The following KCNQ5 variants were observed in gnomAD, a reference collection of about 807,000 sequenced individuals.
KCNQ5 encodes potassium voltage-gated channel subfamily Q member 5.
In KCNQ5, 30 loss-of-function variants were observed where a neutral mutation model predicts 98.2. The ratio of observed to expected loss-of-function variants is 0.31; its 90% CI spans 0.23 to 0.41. The LOEUF is 0.41. Among genes scored for constraint, KCNQ5 ranks in the 10% least tolerant of loss-of-function variants. The pLI is 1.00. For synonymous variants in KCNQ5, 458 were observed against 449.4 expected (o/e 1.02, Z -0.24); for missense variants, 835 against 1,182.5 (o/e 0.71, Z 4.31).
At chr6:72,825,213 A>T (rs549582568) in intron 1 of KCNQ5, among the ~76,000 whole-genome samples, 16 of 152,058 alleles carry the variant, frequency 1.1e-4, no homozygotes, top group Non-Finnish European at 2.2e-4. Context: ...ACCCCTAAAA[A>T]TCTACTTTGC....
intron 1 of KCNQ5, among the ~76,000 whole-genome samples, chr6:72,936,891 A>G (rs1765945835): frequency 6.6e-6 from 1 of 152,120 alleles, no homozygotes; most frequent in Non-Finnish European, 1.5e-5. Flanking sequence ...TAACATTATC[A>G]TCATACAGAT....
chr6:72,862,214 G>A (rs1248866673), intron 1 of KCNQ5, among the ~76,000 whole-genome samples: 2 of 152,218 alleles, frequency 1.3e-5, no homozygotes, highest in East Asian at 3.8e-4. Flanking sequence ...GCTAACTGGG[G>A]AGGGTCCTGT....
At chr6:73,030,528 G>A (rs1771097023) in intron 2 of KCNQ5, among the ~76,000 whole-genome samples, 1 of 152,164 alleles carries the variant, frequency 6.6e-6, no homozygotes, top group Non-Finnish European at 1.5e-5. Context: ...TTGGTAATGG[G>A]AAAAATAAAT....
At chr6:73,184,066 C>T (rs1052677069) in intron 11 of KCNQ5, among the ~76,000 whole-genome samples, 1 of 152,222 alleles carries the variant, frequency 6.6e-6, no homozygotes, top group Non-Finnish European at 1.5e-5. Flanking sequence ...GCTCTTCCCT[C>T]TCTTTTCCCT....
At position 73,075,422 on chromosome 6, in the gene KCNQ5, C is replaced by T. The variant is rs535334691; in HGVS notation, c.617-1900C>T. ...ATTTTTAGTAGAGACAGGGTTTCACCATGTTGGCCAGGATGGTCTCGATCT... is the reference window on the plus strand; with the variant it reads ...ATTTTTAGTAGAGACAGGGTTTCACTATGTTGGCCAGGATGGTCTCGATCT... On this transcript the variant is annotated intron_variant, in intron 3 of 13. Transcript: ENST00000370398. Among the ~76,000 whole-genome samples, 10 of 152,164 alleles carry T rather than the reference C, an allele frequency of 6.6e-5. No homozygotes were observed. In the East Asian group the frequency reaches 1.7e-3, roughly 27 times the overall value.
In KCNQ5 at chr6:73,003,920, C is replaced by T; in HGVS notation, c.411C>T (p.Val137=). 6.2e-7 allele frequency: 1 copy of T among 1,611,960 alleles called. No individual in the cohort carries two copies. The highest frequency in any genetic ancestry group is 8.5e-7 in the Non-Finnish European group (1 of 1,178,374). ...TGTTGTTTTACAGTTTTCTCCTTGTCTTTGGTTGCTTGATTTTGTCAGTGT... is the reference window on the plus strand; with the variant it reads ...TGTTGTTTTACAGTTTTCTCCTTGTTTTTGGTTGCTTGATTTTGTCAGTGT... ...FIYHAFVFLL[V]FGCLILSVFS... is the part of the protein sequence containing the mutation. The change falls in exon 2 of 14, where the codon GTC becomes GTT. Residue 137 remains valine, a synonymous_variant. Coordinates refer to ENST00000370398, the MANE Select transcript of KCNQ5 (RefSeq NM_019842.4).
chr6:73,192,508 A>C, intron 12 of KCNQ5, 57 bp from the exon 13 acceptor site: 1 of 1,476,106 alleles, frequency 6.8e-7, no homozygotes, highest in South Asian at 1.5e-5. Context: ...CTTCATTCTG[A>C]CCTAGGGCAA....
At chr6:72,987,558 G>A (rs1413305047) in intron 1 of KCNQ5, 3 of 643,494 alleles carry the variant, frequency 4.7e-6, no homozygotes, top group Non-Finnish European at 5.8e-6. Flanking sequence ...CGATTGCAAG[G>A]TCCAACATAG....
chr6:73,119,451 T>C (rs1775654783), intron 7 of KCNQ5, among the ~76,000 whole-genome samples: 1 of 151,904 alleles, frequency 6.6e-6, no homozygotes, highest in South Asian at 2.1e-4. Context: ...ATGCCAGGTG[T>C]AATTATATGA....
chr6:72,837,611 AAAGGCATAAATG>A (rs1366089394), intron 1 of KCNQ5, among the ~76,000 whole-genome samples: 4 of 152,178 alleles, frequency 2.6e-5, no homozygotes, highest in African/African-American at 9.6e-5. Flanking sequence ...ATCAAATGTA[AAAGGCATAAATG>A]AAGGACTTTC....
chr6:73,071,051 G>T (rs1001721336), intron 3 of KCNQ5, among the ~76,000 whole-genome samples: 2 of 151,924 alleles, frequency 1.3e-5, no homozygotes, highest in Admixed American at 1.3e-4. Flanking sequence ...TGAAATCCAG[G>T]CATCTAAAAC....
At chr6:73,079,618 T>G (rs1385284200) in intron 5 of KCNQ5, among the ~76,000 whole-genome samples, 1 of 152,202 alleles carries the variant, frequency 6.6e-6, no homozygotes, top group Non-Finnish European at 1.5e-5. Context: ...TCTTAAGTTA[T>G]CTAAGTAAAT....
chr6:72,795,028 T>A (rs1367161767), intron 1 of KCNQ5, among the ~76,000 whole-genome samples: 1 of 152,220 alleles, frequency 6.6e-6, no homozygotes, highest in Admixed American at 6.5e-5. Flanking sequence ...TCTTGCCATC[T>A]CTTGACTCTG....
Position 72,624,146 on chromosome 6 carries a change from A to G in KCNQ5, c.398+1559A>G, listed in dbSNP as rs192177738. ...ACATCAAAAAGTATAACTTTTATGTAAAATTCACATTTATTTAAATGTGGT... is the reference window on the plus strand; with the variant it reads ...ACATCAAAAAGTATAACTTTTATGTGAAATTCACATTTATTTAAATGTGGT... On this transcript the variant is annotated intron_variant, in intron 1 of 13. Transcript: ENST00000370398. Among the ~76,000 whole-genome samples, 18 of 152,362 alleles carry G rather than the reference A, an allele frequency of 1.2e-4. No homozygotes were observed. In the South Asian group the frequency reaches 1.5e-3, roughly 12 times the overall value.
At chr6:72,757,575 TG>T (rs1772035246) in intron 1 of KCNQ5, among the ~76,000 whole-genome samples, 1 of 152,188 alleles carries the variant, frequency 6.6e-6, no homozygotes, top group Admixed American at 6.6e-5. Context: ...AAATATCTCA[TG>T]GAATTTATTG....
intron 2 of KCNQ5, among the ~76,000 whole-genome samples, chr6:73,022,173 T>C (rs1327754015): frequency 6.6e-6 from 1 of 152,126 alleles, no homozygotes; most frequent in African/African-American, 2.4e-5. Flanking sequence ...AATGATTCAC[T>C]AGTGATCTCT....
At chr6:72,669,137 C>T (rs1766971395) in intron 1 of KCNQ5, among the ~76,000 whole-genome samples, 1 of 152,082 alleles carries the variant, frequency 6.6e-6, no homozygotes, top group Non-Finnish European at 1.5e-5. Flanking sequence ...TCTAAAATCT[C>T]ATCTAAATAT....
chr6:73,067,880 ATATATATATATATATATATATAT>A (rs1562159039), intron 3 of KCNQ5, among the ~76,000 whole-genome samples: 10 of 133,122 alleles, frequency 7.5e-5, no homozygotes, highest in South Asian at 4.3e-4. Context: ...ATATATATAT[ATATATATATATATATATATATAT>A]ATAACTAAAA....
At chr6:73,016,888 G>C (rs987106705) in intron 2 of KCNQ5, among the ~76,000 whole-genome samples, 4 of 152,158 alleles carry the variant, frequency 2.6e-5, no homozygotes, top group Admixed American at 2.0e-4. Context: ...CTTTGTCTGT[G>C]GTTCCCATTT....
Sources: gnomAD v4.1 joint callset for allele counts (sites outside exome capture counted in the v4.1 genomes callset) on GRCh38, gnomAD v4.1.1 for gene constraint, MANE v1.5 for transcripts, NCBI Gene and HGNC (gene_info 2026-07-23, HGNC 2026-07-21) for gene names.